The following ADGRV1 variants were observed in gnomAD, a reference collection of about 807,000 sequenced individuals.
ADGRV1 encodes the protein adhesion G protein-coupled receptor V1.
A neutral mutation model predicts 596.2 loss-of-function variants in ADGRV1; 359 were observed. That is an observed-to-expected ratio of 0.60 (90% confidence interval 0.55 to 0.66). The LOEUF (loss-of-function observed/expected upper bound fraction) is 0.66, where lower values mean the gene tolerates loss of function less well. ADGRV1 is among the 30% of genes least tolerant of loss of function. ADGRV1 has a pLI of 0.00. For synonymous variants in ADGRV1, 2,681 were observed against 2,679.2 expected (o/e 1.00, Z -0.02); for missense variants, 7,274 against 7,575.6 (o/e 0.96, Z 1.48).
chr5:90,981,895 C>T (rs1200325583), intron 84 of ADGRV1, among the ~76,000 whole-genome samples: 1 of 152,134 alleles, frequency 6.6e-6, no homozygotes, highest in Non-Finnish European at 1.5e-5. Context: ...TTTCACTGTG[C>T]AAACATTGAT....
chr5:90,995,669 A>T (rs1047577154), intron 85 of ADGRV1, among the ~76,000 whole-genome samples: 5 of 152,218 alleles, frequency 3.3e-5, no homozygotes, highest in African/African-American at 1.2e-4. Flanking sequence ...TGGAGGGCTC[A>T]GAAGACATGA....
intron 87 of ADGRV1, among the ~76,000 whole-genome samples, chr5:91,135,225 C>T (rs958400818): frequency 1.3e-5 from 2 of 151,692 alleles, no homozygotes; most frequent in Non-Finnish European, 2.9e-5. Flanking sequence ...ATAGACATTT[C>T]CTTGTGTACT....
intron 77 of ADGRV1, among the ~76,000 whole-genome samples, chr5:90,833,047 T>G (rs1057255986): frequency 6.6e-6 from 1 of 152,122 alleles, no homozygotes; most frequent in Non-Finnish European, 1.5e-5. Context: ...ATTCCTCCAG[T>G]TTTTTTCTTT....
intron 1 of ADGRV1, among the ~76,000 whole-genome samples, chr5:90,613,673 T>A (rs1762986547): frequency 6.6e-6 from 1 of 152,142 alleles, no homozygotes; most frequent in Admixed American, 6.6e-5. Flanking sequence ...TCGGCATCCC[T>A]GTCTGGATTT....
intron 83 of ADGRV1, among the ~76,000 whole-genome samples, chr5:90,892,849 G>C (rs975318077): frequency 6.6e-6 from 1 of 152,090 alleles, no homozygotes; most frequent in Non-Finnish European, 1.5e-5. Context: ...TCATGTCCTT[G>C]GGAAGTGTCC....
In ADGRV1 at chr5:90,653,695, AG is replaced by A; in HGVS notation, c.4123del (p.Asp1375MetfsTer11). ...AATACGAATGGATTCATTATAGCGA[AG>A]GATGACGGTAATGGAAGCATCTACT... Reference protein sequence around the residue: ...NANTNGFIIAKDDGNGSIYYG... With the variant: ...NANTNGFIIAXDDGNGSIYYG... On this transcript the variant is annotated frameshift_variant, in exon 20 of 90. Coordinates refer to ENST00000405460, the MANE Select transcript of ADGRV1 (RefSeq NM_032119.4). LOFTEE classifies it high-confidence loss of function. The A allele has an allele frequency of 6.2e-7, 1 of 1,613,360 alleles. No individual in the cohort carries two copies. Among genetic ancestry groups the A allele is most frequent in the African/African-American group, 1.3e-5 (1 of 75,052 alleles).
chr5:90,968,092 T>G (rs1020744748), intron 84 of ADGRV1, among the ~76,000 whole-genome samples: 1 of 152,088 alleles, frequency 6.6e-6, no homozygotes, highest in African/African-American at 2.4e-5. Flanking sequence ...TGGAAAGAAT[T>G]TAGGTAAATG....
rs771648007 is a variant in ADGRV1, at chr5:90,805,281, C to T, written c.14662-3C>T. The T allele has an allele frequency of 1.4e-5, 22 of 1,606,600 alleles. No individual in the cohort carries two copies. The highest frequency in any genetic ancestry group is 4.5e-5 in the East Asian group (2 of 44,692). ...AAATACTCTAAGCATGATTTTCCCT[C>T]AGGTCGGATTTGAATCCACTGCTTT... is the stretch of plus-strand genomic sequence containing the variant. On this transcript the variant is annotated splice_polypyrimidine_tract_variant and splice_region_variant and intron_variant, in intron 71 of 89. Coordinates refer to ENST00000405460, the MANE Select transcript of ADGRV1 (RefSeq NM_032119.4).
chr5:91,083,431 T>C (rs1789590833), intron 86 of ADGRV1, among the ~76,000 whole-genome samples: 1 of 152,186 alleles, frequency 6.6e-6, no homozygotes, highest in Non-Finnish European at 1.5e-5. Context: ...ACAATACCCA[T>C]GATCTAATGC....
chr5:90,751,670 A>G (rs986001228), intron 53 of ADGRV1, among the ~76,000 whole-genome samples: 3 of 152,126 alleles, frequency 2.0e-5, no homozygotes, highest in Non-Finnish European at 2.9e-5. Context: ...TAGTCTGTGT[A>G]TATGGCCCAA....
intron 85 of ADGRV1, among the ~76,000 whole-genome samples, chr5:91,051,830 G>T (rs146302354): frequency 6.6e-6 from 1 of 151,958 alleles, no homozygotes; most frequent in Non-Finnish European, 1.5e-5. Flanking sequence ...TCTATATTTG[G>T]CATCCTTGTT....
chr5:90,646,844 G>C (rs1481506113), intron 16 of ADGRV1, among the ~76,000 whole-genome samples: 3 of 150,546 alleles, frequency 2.0e-5, no homozygotes, highest in Non-Finnish European at 4.4e-5. Flanking sequence ...CGTGATCTCG[G>C]CTCACTGCAC....
intron 26 of ADGRV1, among the ~76,000 whole-genome samples, chr5:90,680,174 A>G (rs1744751470): frequency 6.6e-6 from 1 of 151,944 alleles, no homozygotes; most frequent in South Asian, 2.1e-4. Flanking sequence ...ACATAGTAAA[A>G]CCCCGTTTCT....
At chr5:90,933,491 T>C (rs978415598) in intron 83 of ADGRV1, among the ~76,000 whole-genome samples, 6 of 152,070 alleles carry the variant, frequency 3.9e-5, no homozygotes, top group African/African-American at 1.4e-4. Context: ...TAAGTGAGTC[T>C]GGTTCTGGAA....
intron 85 of ADGRV1, among the ~76,000 whole-genome samples, chr5:91,005,333 G>C (rs1221173371): frequency 6.6e-6 from 1 of 151,944 alleles, no homozygotes; most frequent in South Asian, 2.1e-4. Flanking sequence ...ACTTTGTAAG[G>C]CAACAAATCC....
rs1241922773 is a variant in ADGRV1 at position 90,644,716 on chromosome 5, TGTA to T, written c.2749_2751del (p.Val917del). 6.2e-7 allele frequency: 1 copy of T among 1,607,866 alleles called. No homozygotes were observed. Among genetic ancestry groups the T allele is most frequent in the East Asian group, 2.2e-5 (1 of 44,568 alleles). On this transcript the variant is annotated inframe_deletion, in exon 15 of 90. Transcript: ENST00000405460. ...GTTTCCATTTCACAGCTGTTTATGATGTAGTAAGAAATCGAGGCAACTTTGGTG... is the reference window on the plus strand; with the variant it reads ...GTTTCCATTTCACAGCTGTTTATGATGTAAGAAATCGAGGCAACTTTGGTG...
At chr5:91,079,650 G>A (rs1789165386) in intron 86 of ADGRV1, among the ~76,000 whole-genome samples, 1 of 152,196 alleles carries the variant, frequency 6.6e-6, no homozygotes. Flanking sequence ...GATTTACAAT[G>A]TAGCCAAGAA....
intron 86 of ADGRV1, among the ~76,000 whole-genome samples, chr5:91,090,098 C>A (rs183285830): frequency 6.6e-6 from 1 of 152,094 alleles, no homozygotes; most frequent in African/African-American, 2.4e-5. Context: ...AAAATTACTA[C>A]GACAGCTGTA....
In ADGRV1 at chr5:90,756,984, T is replaced by C. The variant is rs1755897859; in HGVS notation, c.11763T>C (p.Ala3921=). 4 of 1,598,212 alleles carry C rather than the reference T, an allele frequency of 2.5e-6. No homozygotes were observed. The highest frequency in any genetic ancestry group is 2.6e-6 in the Non-Finnish European group (3 of 1,172,084). ...ATTATATTCTTTACTTAAAGGGCGC[T>C]GGGGAAGTTATTACTGCCTATGAGG... ...GIFMFHVTRG[A]GEVITAYEVP... The change falls in exon 57 of 90, where the codon GCT becomes GCC. Residue 3921 remains alanine, a synonymous_variant. Coordinates refer to ENST00000405460, the MANE Select transcript of ADGRV1 (RefSeq NM_032119.4).
Sources: allele counts gnomAD v4.1 joint callset (sites outside exome capture counted in the v4.1 genomes callset), GRCh38; gene constraint gnomAD v4.1.1; transcripts MANE v1.5; gene names NCBI Gene and HGNC (gene_info 2026-07-23, HGNC 2026-07-21).